Variants in PCDH15 observed in about 807,000 individuals in gnomAD.
PCDH15 encodes protocadherin related 15.
A neutral mutation model predicts 178.5 loss-of-function variants in PCDH15; 129 were observed. The ratio of observed to expected loss-of-function variants is 0.72; its 90% CI spans 0.63 to 0.84. The LOEUF (loss-of-function observed/expected upper bound fraction) is 0.84. PCDH15 is among the 40% of genes least tolerant of loss of function. The probability of loss-of-function intolerance (pLI) is 0.00; values close to 1 mark genes in which losing one functional copy is unlikely to be tolerated. For missense variants in PCDH15, 2,230 were observed against 2,099.9 expected (o/e 1.06, Z -1.21); for synonymous variants, 800 against 732.0 (o/e 1.09, Z -1.50).
At chr10:55,118,722 T>G (rs1462737986) in intron 2 of PCDH15, among the ~76,000 whole-genome samples, 1 of 152,216 alleles carries the variant, frequency 6.6e-6, no homozygotes, top group Admixed American at 6.5e-5. Context: ...CCCAGAATTT[T>G]ACATTATTAA....
intron 23 of PCDH15, among the ~76,000 whole-genome samples, 198 bp downstream of exon 23, chr10:53,959,534 C>T (rs2088049784): frequency 6.6e-6 from 1 of 151,996 alleles, no homozygotes; most frequent in African/African-American, 2.4e-5. Context: ...ATTCATTAAA[C>T]CATTACTAAA....
intron 30 of PCDH15, 91 bp downstream of exon 30, chr10:53,831,224 A>G (rs1271024230): frequency 4.3e-6 from 5 of 1,175,300 alleles, no homozygotes; most frequent in East Asian, 2.3e-5. Flanking sequence ...TGCACCATCA[A>G]TATTTTACAA....
chr10:55,070,922 T>C (rs1222021799), intron 2 of PCDH15, among the ~76,000 whole-genome samples: 1 of 152,162 alleles, frequency 6.6e-6, no homozygotes, highest in African/African-American at 2.4e-5. Flanking sequence ...TGGAATGTTC[T>C]TCCATTTCTT....
At chr10:54,804,938 T>TATATATATATATATATATATATATATAC (rs1328208893), upstream of PCDH15, among the ~76,000 whole-genome samples, 2 of 126,420 alleles carry the variant, frequency 1.6e-5, no homozygotes, top group South Asian at 2.7e-4. Context: ...TATATATATA[T>TATATATATATATATATATATATATATAC]ATATATATAT....
chr10:54,635,910 A>G (rs1462880601), intron 2 of PCDH15, among the ~76,000 whole-genome samples: 1 of 151,902 alleles, frequency 6.6e-6, no homozygotes, highest in East Asian at 1.9e-4. Flanking sequence ...ACACAGAAGT[A>G]TAATCCTGTC....
chr10:55,321,893 T>C (rs1213055677), upstream of PCDH15, among the ~76,000 whole-genome samples: 1 of 152,192 alleles, frequency 6.6e-6, no homozygotes, highest in Non-Finnish European at 1.5e-5. Context: ...TACTAGCCAC[T>C]ACAAAAACAT....
intron 2 of PCDH15, among the ~76,000 whole-genome samples, chr10:54,661,753 CAT>C (rs1296553015): frequency 6.6e-6 from 1 of 151,812 alleles, no homozygotes; most frequent in Admixed American, 6.6e-5. Context: ...AATAAAATCA[CAT>C]GTGTATAACC....
At chr10:53,888,701 A>ATATATATATATC (rs1201972068) in intron 26 of PCDH15, among the ~76,000 whole-genome samples, 2 of 26,806 alleles carry the variant, frequency 7.5e-5, no homozygotes, top group African/African-American at 1.6e-4. Context: ...ATATATATAT[A>ATATATATATATC]TATCTCCTGT....
chr10:55,322,844 A>G (rs1206722523), upstream of PCDH15, among the ~76,000 whole-genome samples: 2 of 152,184 alleles, frequency 1.3e-5, no homozygotes, highest in Non-Finnish European at 2.9e-5. Flanking sequence ...AAATTTGCAT[A>G]AGTAACAAGC....
chr10:54,624,648 G>T (rs1004079787), intron 2 of PCDH15, among the ~76,000 whole-genome samples: 1 of 152,168 alleles, frequency 6.6e-6, no homozygotes, highest in African/African-American at 2.4e-5. Flanking sequence ...AGCAGGAGGC[G>T]AATGGTGAGT....
intron 3 of PCDH15, among the ~76,000 whole-genome samples, chr10:54,425,219 G>A (rs1314441864): frequency 6.6e-6 from 1 of 152,066 alleles, no homozygotes; most frequent in African/African-American, 2.4e-5. Flanking sequence ...TTTTTAAAGA[G>A]GGGATTGGAT....
chr10:54,347,517 T>G (rs1428642632), intron 5 of PCDH15, among the ~76,000 whole-genome samples: 1 of 152,178 alleles, frequency 6.6e-6, no homozygotes, highest in Non-Finnish European at 1.5e-5. Flanking sequence ...TTCTCTTAAT[T>G]TTTGACTAGG....
At chr10:54,642,197 A>C (rs1295946278) in intron 2 of PCDH15, among the ~76,000 whole-genome samples, 1 of 152,180 alleles carries the variant, frequency 6.6e-6, no homozygotes, top group Admixed American at 6.6e-5. Flanking sequence ...ATGTGAGAGC[A>C]CAGAGAAAAG....
At chr10:54,427,439 C>T (rs1249201785) in intron 3 of PCDH15, among the ~76,000 whole-genome samples, 5 of 151,582 alleles carry the variant, frequency 3.3e-5, no homozygotes, top group Non-Finnish European at 7.4e-5. Flanking sequence ...CCATCACATC[C>T]GGCTAACTTT....
intron 14 of PCDH15, among the ~76,000 whole-genome samples, chr10:54,133,464 G>C (rs2042618987): frequency 6.6e-6 from 1 of 152,104 alleles, no homozygotes; most frequent in Non-Finnish European, 1.5e-5. Flanking sequence ...CAGTTCTGTT[G>C]CTGACATCAA....
At chr10:54,831,196 T>G (rs970200362) in intron 3 of PCDH15, among the ~76,000 whole-genome samples, 1 of 152,114 alleles carries the variant, frequency 6.6e-6, no homozygotes, top group African/African-American at 2.4e-5. Context: ...ATAATTTTTT[T>G]ATTCCTGATC....
chr10:55,349,825 C>T (rs1471846779), intron 2 of PCDH15, among the ~76,000 whole-genome samples: 5 of 152,014 alleles, frequency 3.3e-5, no homozygotes. Flanking sequence ...AGAGAGAGAG[C>T]ATGCAAGCTA....
chr10:54,683,141 TTTTTA>T (rs1327383165), intron 1 of PCDH15, among the ~76,000 whole-genome samples: 1 of 152,142 alleles, frequency 6.6e-6, no homozygotes, highest in Non-Finnish European at 1.5e-5. Flanking sequence ...TTTTTAAATA[TTTTTA>T]ATTTTTTTCA....
chr10:54,784,572 C>A (rs781228178), intron 1 of PCDH15, among the ~76,000 whole-genome samples: 4 of 152,094 alleles, frequency 2.6e-5, no homozygotes, highest in African/African-American at 9.6e-5. Flanking sequence ...AGAATCAATT[C>A]ATCACCACTA....
Sources: gnomAD v4.1 joint callset for allele counts (sites outside exome capture counted in the v4.1 genomes callset) on GRCh38, gnomAD v4.1.1 for gene constraint, MANE v1.5 for transcripts, NCBI Gene and HGNC (gene_info 2026-07-23, HGNC 2026-07-21) for gene names.